Variants in BANF2 observed in about 807,000 individuals in gnomAD.
The protein encoded by BANF2 is BANF family member 2, also known as barrier-to-autointegration factor-like protein.
A neutral mutation model predicts 8.0 loss-of-function variants in BANF2; 4 were observed. The observed-to-expected ratio is 0.50, with a 90% CI of 0.25 to 1.14. The LOEUF (loss-of-function observed/expected upper bound fraction) is 1.14. Among genes scored for constraint, BANF2 ranks in the 50% most tolerant of loss-of-function variants. BANF2 has a pLI of 0.16. For missense variants in BANF2, 96 were observed against 107.5 expected, an observed-to-expected ratio of 0.89 and a Z score of 0.47; for synonymous variants, 50 against 40.6, an observed-to-expected ratio of 1.23 and a Z score of -0.88.
At chr20:17,717,568 G>T (rs1276303846) in intron 1 of BANF2, among the ~76,000 whole-genome samples, 1 of 152,108 alleles carries the variant, frequency 6.6e-6, no homozygotes, top group African/African-American at 2.4e-5. Flanking sequence ...GGTCATTAGG[G>T]TTAGCTCAGA....
At chr20:17,720,724 G>T (rs2037716374) in intron 1 of BANF2, among the ~76,000 whole-genome samples, 1 of 152,202 alleles carries the variant, frequency 6.6e-6, no homozygotes, top group African/African-American at 2.4e-5. Flanking sequence ...TCAGGAGATT[G>T]GTTGCACAAC....
chr20:17,728,439 G>A (rs726555), intron 3 of BANF2, among the ~76,000 whole-genome samples: 44,489 of 152,016 alleles, frequency 0.29, 8,217 homozygotes, highest in Admixed American at 0.48. Context: ...GCTCCACCCC[G>A]CCAATTTATC....
intron 1 of BANF2, among the ~76,000 whole-genome samples, chr20:17,701,868 G>A (rs1403701905): frequency 6.6e-6 from 1 of 152,220 alleles, no homozygotes; most frequent in Non-Finnish European, 1.5e-5. Context: ...AGCCAGTTCT[G>A]AGTGCTGATC....
chr20:17,710,232 G>A (rs2037549292), intron 1 of BANF2, among the ~76,000 whole-genome samples: 1 of 152,196 alleles, frequency 6.6e-6, no homozygotes, highest in African/African-American at 2.4e-5. Context: ...AGCCCTGGGG[G>A]GGACATGGGC....
At chr20:17,728,418 C>T (rs943438829) in intron 3 of BANF2, among the ~76,000 whole-genome samples, 2 of 152,176 alleles carry the variant, frequency 1.3e-5, no homozygotes, top group African/African-American at 4.8e-5. Flanking sequence ...AGATGAGACA[C>T]CAGCGCCCCC....
At chr20:17,708,297 T>C (rs2037516409) in intron 1 of BANF2, among the ~76,000 whole-genome samples, 1 of 152,048 alleles carries the variant, frequency 6.6e-6, no homozygotes, top group Admixed American at 6.6e-5. Flanking sequence ...GATGTCAAAT[T>C]GTATTTATAT....
At chr20:17,722,514 G>C (rs896024311) in intron 1 of BANF2, among the ~76,000 whole-genome samples, 4 of 152,172 alleles carry the variant, frequency 2.6e-5, no homozygotes, top group Admixed American at 6.5e-5. Context: ...ATAAATCCAT[G>C]GGTGCTGAGG....
intron 1 of BANF2, among the ~76,000 whole-genome samples, chr20:17,707,278 G>A (rs2037495508): frequency 1.3e-5 from 2 of 151,880 alleles, no homozygotes; most frequent in South Asian, 4.2e-4. Flanking sequence ...CCCAGCTACT[G>A]AGGCTGAGGC....
chr20:17,735,555 C>A, intron 3 of BANF2, 110 bp from the exon 4 acceptor site: 1 of 1,311,834 alleles, frequency 7.6e-7, no homozygotes, highest in South Asian at 1.3e-5. Context: ...CGGCCCTGCT[C>A]CCCCTCCTTT....
chr20:17,708,393 C>A (rs927639518), intron 1 of BANF2, among the ~76,000 whole-genome samples: 4 of 152,172 alleles, frequency 2.6e-5, no homozygotes, highest in Non-Finnish European at 5.9e-5. Context: ...GTCCATACAG[C>A]ATTATGAATA....
rs1568820098 is a variant in BANF2 at position 17,729,962 on chromosome 20, G to GGGCCCTGTGGGGCA, written c.126+4813_126+4814insCCCTGTGGGGCAGG. ...ACTGTGGGGCAGGGCCCTGTGGGGC[G>GGGCCCTGTGGGGCA]GGTGTGCTTGAGTTCTCCCACAGTG... is the stretch of plus-strand genomic sequence containing the variant. On this transcript the variant is annotated intron_variant, in intron 3 of 3. Coordinates refer to ENST00000246090, the MANE Select transcript of BANF2 (RefSeq NM_178477.5). Among the ~76,000 whole-genome samples, 33 of 152,286 alleles carry GGGCCCTGTGGGGCA rather than the reference G, an allele frequency of 2.2e-4. 1 individual carries two copies. Among genetic ancestry groups the GGGCCCTGTGGGGCA allele is most frequent in the African/African-American group, 7.7e-4 (32 of 41,556 alleles).
intron 1 of BANF2, among the ~76,000 whole-genome samples, chr20:17,719,127 T>C (rs996963476): frequency 6.6e-6 from 1 of 151,998 alleles, no homozygotes; most frequent in Non-Finnish European, 1.5e-5. Context: ...GTTGTTCTGT[T>C]TCGTTTTGTT....
chr20:17,704,207 G>A (rs2037450100), intron 1 of BANF2, among the ~76,000 whole-genome samples: 1 of 152,234 alleles, frequency 6.6e-6, no homozygotes, highest in Admixed American at 6.5e-5. Flanking sequence ...CCAGCAGGAA[G>A]GGGTCTATGG....
At chr20:17,711,745 G>C (rs749171005) in intron 1 of BANF2, among the ~76,000 whole-genome samples, 1 of 152,196 alleles carries the variant, frequency 6.6e-6, no homozygotes, top group Non-Finnish European at 1.5e-5. Flanking sequence ...CAGCTTCCAC[G>C]GCAGAGGTGA....
chr20:17,731,919 A>T (rs1475128075), intron 3 of BANF2, among the ~76,000 whole-genome samples: 1 of 150,122 alleles, frequency 6.7e-6, no homozygotes, highest in Non-Finnish European at 1.5e-5. Flanking sequence ...ACAAAAAATT[A>T]TCCAAGCGTG....
rs938001867 is a variant in BANF2, at chr20:17,712,481, C to T, written c.-166-10235C>T. ...ATGCACCATTCCCACAGCCCGACAA[C>T]CTTCCTGACTCTACCCACTGGAATC... On this transcript the variant is annotated intron_variant, in intron 1 of 3. Transcript: ENST00000246090. 10 of 971,696 alleles carry T rather than the reference C, an allele frequency of 1.0e-5. No individual in the cohort carries two copies. In the Admixed American group the frequency reaches 4.9e-4, roughly 48 times the overall value. The allele number at this position is 971,696 out of a possible 1,614,324, so 60.2% of individuals were successfully genotyped here. A position where few individuals can be genotyped will look rare whatever the true frequency, so the allele number is the denominator to read the frequency against.
intron 1 of BANF2, among the ~76,000 whole-genome samples, chr20:17,703,010 T>C (rs1052993771): frequency 5.3e-5 from 8 of 152,280 alleles, no homozygotes; most frequent in Non-Finnish European, 8.8e-5. Flanking sequence ...TGACTTCATC[T>C]CTGATCTCAT....
At chr20:17,708,681 G>A (rs1343711795) in intron 1 of BANF2, among the ~76,000 whole-genome samples, 1 of 151,950 alleles carries the variant, frequency 6.6e-6, no homozygotes, top group Non-Finnish European at 1.5e-5. Context: ...TGTCCCTCTG[G>A]CTTTTTCATT....
At chr20:17,714,476 G>C (rs2037622851) in intron 1 of BANF2, among the ~76,000 whole-genome samples, 1 of 152,204 alleles carries the variant, frequency 6.6e-6, no homozygotes, top group African/African-American at 2.4e-5. Flanking sequence ...GAATTTTATA[G>C]ACAAGGGACA....
Sources: gnomAD v4.1 joint callset for allele counts (sites outside exome capture counted in the v4.1 genomes callset) on GRCh38, gnomAD v4.1.1 for gene constraint, MANE v1.5 for transcripts, NCBI Gene and HGNC (gene_info 2026-07-23, HGNC 2026-07-21) for gene names.